NTM: variants seen among roughly 807,000 people sequenced by gnomAD.
NTM encodes IgLON family member 2.
In NTM, 13 loss-of-function variants were observed where a neutral mutation model predicts 42.1. The observed-to-expected ratio is 0.31, with a 90% CI of 0.20 to 0.49. NTM has a LOEUF of 0.49. NTM is among the 20% of genes least tolerant of loss of function. The pLI is 0.99. For missense variants in NTM, 373 were observed against 452.8 expected, an observed-to-expected ratio of 0.82 and a Z score of 1.60; for synonymous variants, 187 against 179.2, an observed-to-expected ratio of 1.04 and a Z score of -0.35.
At chr11:132,174,414 C>T (rs4512871) in intron 3 of NTM, among the ~76,000 whole-genome samples, 95,770 of 152,126 alleles carry the variant, frequency 0.63, 30,595 homozygotes, top group African/African-American at 0.65. Context: ...CTAAAAAAAT[C>T]GTAAATGTAT....
chr11:132,037,460 A>G (rs2076648448), intron 2 of NTM, among the ~76,000 whole-genome samples: 1 of 152,200 alleles, frequency 6.6e-6, no homozygotes, highest in Non-Finnish European at 1.5e-5. Context: ...GAGACACTGG[A>G]CAATAGTCAA....
At chr11:131,788,266 A>G (rs1157096174) in intron 1 of NTM, among the ~76,000 whole-genome samples, 3 of 152,168 alleles carry the variant, frequency 2.0e-5, no homozygotes, top group South Asian at 4.1e-4. Flanking sequence ...TTTATGAACT[A>G]TGCCAACTTA....
intron 2 of NTM, among the ~76,000 whole-genome samples, chr11:131,949,800 G>A (rs2060776685): frequency 6.6e-6 from 1 of 152,120 alleles, no homozygotes; most frequent in Non-Finnish European, 1.5e-5. Context: ...GTCCTGGGAG[G>A]GTAGAAAGCT....
chr11:132,058,745 T>C (rs1215315823), intron 2 of NTM, among the ~76,000 whole-genome samples: 1 of 152,216 alleles, frequency 6.6e-6, no homozygotes, highest in African/African-American at 2.4e-5. Flanking sequence ...GTCTGAGACA[T>C]ACTGACTTCC....
intron 2 of NTM, among the ~76,000 whole-genome samples, chr11:132,109,554 C>T (rs1221354711): frequency 1.3e-5 from 2 of 152,144 alleles, no homozygotes; most frequent in South Asian, 2.1e-4. Flanking sequence ...TTATATTGCT[C>T]CCCTGCTTAG....
At chr11:131,607,425 A>G (rs1054487278) in intron 1 of NTM, among the ~76,000 whole-genome samples, 7 of 152,348 alleles carry the variant, frequency 4.6e-5, no homozygotes, top group African/African-American at 1.7e-4. Context: ...ATCCGTGGCC[A>G]AAGTAGAAAT....
chr11:131,859,327 A>G (rs1306553771), intron 1 of NTM, among the ~76,000 whole-genome samples: 1 of 152,238 alleles, frequency 6.6e-6, no homozygotes, highest in Non-Finnish European at 1.5e-5. Context: ...CTTATTTCTT[A>G]AAACTGTATA....
intron 1 of NTM, among the ~76,000 whole-genome samples, chr11:131,486,671 G>A (rs1954206863): frequency 6.6e-6 from 1 of 152,168 alleles, no homozygotes; most frequent in Non-Finnish European, 1.5e-5. Flanking sequence ...TAAGACACTG[G>A]ATTATCTCAT....
chr11:131,538,290 C>T (rs564949270), intron 1 of NTM: 4 of 152,272 alleles, frequency 2.6e-5, no homozygotes, highest in East Asian at 1.9e-4. Flanking sequence ...ATTTTACACG[C>T]GAGAAAATCA....
At chr11:132,087,781 C>A (rs570865463) in intron 2 of NTM, among the ~76,000 whole-genome samples, 9 of 152,058 alleles carry the variant, frequency 5.9e-5, no homozygotes, top group Non-Finnish European at 8.8e-5. Context: ...GGGGGAAGAA[C>A]CTTTTGTTCC....
Position 131,759,594 on chromosome 11 carries a change from C to T in NTM, c.83-151970C>T, listed in dbSNP as rs147615042. On this transcript the variant is annotated intron_variant, in intron 1 of 8. Transcript: ENST00000683400. ...TCCTGGAGTAAGAAATTCACAACCACATGAAACACACTTGTAAGAGGTTAG... is the reference window on the plus strand; with the variant it reads ...TCCTGGAGTAAGAAATTCACAACCATATGAAACACACTTGTAAGAGGTTAG... Among the ~76,000 whole-genome samples, 157 of 151,990 alleles carry T rather than the reference C, an allele frequency of 1.0e-3. 1 individual carries two copies. In the East Asian group the frequency reaches 0.028, roughly 27 times the overall value.
intron 4 of NTM, among the ~76,000 whole-genome samples, chr11:132,299,060 C>T (rs1395919565): frequency 2.0e-5 from 3 of 152,106 alleles, no homozygotes; most frequent in Non-Finnish European, 2.9e-5. Flanking sequence ...CTTTGGGAGG[C>T]CAAGAAGGGT....
chr11:132,113,760 G>A (rs2063532064), intron 2 of NTM, among the ~76,000 whole-genome samples: 1 of 152,166 alleles, frequency 6.6e-6, no homozygotes, highest in Admixed American at 6.5e-5. Flanking sequence ...TCTTTCCAGA[G>A]TACAGTTGTG....
At chr11:131,484,667 T>G (rs955235798) in intron 1 of NTM, among the ~76,000 whole-genome samples, 2 of 152,134 alleles carry the variant, frequency 1.3e-5, no homozygotes. Flanking sequence ...CCAGGAGCAA[T>G]GAGAGTCAGC....
chr11:132,229,039 G>A (rs1193887363), intron 4 of NTM, among the ~76,000 whole-genome samples: 2 of 152,134 alleles, frequency 1.3e-5, no homozygotes, highest in African/African-American at 2.4e-5. Context: ...TGCCTAAAAT[G>A]GTGAGATTCT....
intron 1 of NTM, among the ~76,000 whole-genome samples, chr11:131,870,538 A>G (rs1433006832): frequency 1.3e-5 from 2 of 152,106 alleles, no homozygotes; most frequent in Admixed American, 6.5e-5. Flanking sequence ...CCAGGCTGTG[A>G]GCCAGCGAGG....
chr11:131,732,833 C>T (rs1241286336), intron 1 of NTM, among the ~76,000 whole-genome samples: 1 of 152,112 alleles, frequency 6.6e-6, no homozygotes, highest in Non-Finnish European at 1.5e-5. Context: ...GTCATATATA[C>T]TTTCTCACGT....
chr11:131,466,885 A>G (rs1224554306), intron 1 of NTM, among the ~76,000 whole-genome samples: 2 of 152,108 alleles, frequency 1.3e-5, no homozygotes, highest in Non-Finnish European at 1.5e-5. Flanking sequence ...ACTCGGTCAC[A>G]CTTTCACAAC....
At position 132,002,577 on chromosome 11, in the gene NTM, G is replaced by A. The variant is rs1457765973; in HGVS notation, c.167+90929G>A. ...CTGTCCCCCAAATTGGAGGCTTCTG[G>A]CCATTGCTTGAATAACTTTCTGCCT... On this transcript the variant is annotated intron_variant, in intron 2 of 8. Transcript: ENST00000683400. This position sits in a 1 kb window ranked among gnomAD's most constrained non-coding sequence, Gnocchi z 4.5. 6.6e-6 allele frequency among the ~76,000 whole-genome samples: 1 copy of A among 152,156 alleles called. No individual in the cohort carries two copies. The highest frequency in any genetic ancestry group is 1.5e-5 in the Non-Finnish European group (1 of 68,028).
Sources: allele counts gnomAD v4.1 joint callset (sites outside exome capture counted in the v4.1 genomes callset), GRCh38; gene constraint gnomAD v4.1.1; non-coding constraint Gnocchi (gnomAD v3.1); transcripts MANE v1.5; gene names NCBI Gene and HGNC (gene_info 2026-07-23, HGNC 2026-07-21).